Variants in MMRN1 observed in about 807,000 individuals in gnomAD.
MMRN1 encodes multimerin 1.
Under a neutral mutation model 100.7 loss-of-function variants are expected in MMRN1, and 94 were observed. That is an observed-to-expected ratio of 0.93 (90% CI 0.79 to 1.11). The LOEUF is 1.11. Ranked by LOEUF, MMRN1 falls within the 50% of genes least tolerant of loss-of-function variation. MMRN1 has a pLI of 0.00. For missense variants in MMRN1, 1,606 were observed against 1,439.1 expected (o/e 1.12, Z -1.88); for synonymous variants, 575 against 505.0 (o/e 1.14, Z -1.86).
chr4:89,891,359 G>T (rs569934997), upstream of MMRN1, among the ~76,000 whole-genome samples: 1 of 152,052 alleles, frequency 6.6e-6, no homozygotes, highest in East Asian at 1.9e-4. Flanking sequence ...TATGGTCATA[G>T]CTTCATCTAT....
At chr4:89,947,653 G>GCCT (rs1217230162) in intron 6 of MMRN1, among the ~76,000 whole-genome samples, 1 of 152,150 alleles carries the variant, frequency 6.6e-6, no homozygotes, top group African/African-American at 2.4e-5. Flanking sequence ...GAGAACTAAA[G>GCCT]TGATTTACTC....
chr4:89,919,842 A>G (rs577515856), intron 3 of MMRN1, among the ~76,000 whole-genome samples: 1 of 152,274 alleles, frequency 6.6e-6, no homozygotes, highest in East Asian at 1.9e-4. Context: ...TTATCAAATA[A>G]CTATGCATTT....
At chr4:89,922,245 C>A (rs1722112093) in intron 3 of MMRN1, among the ~76,000 whole-genome samples, 1 of 152,016 alleles carries the variant, frequency 6.6e-6, no homozygotes, top group African/African-American at 2.4e-5. Flanking sequence ...GCTGGAATTA[C>A]AGGCACCTGA....
At chr4:89,897,318 CTTGCCTCA>C (rs1721237764) in intron 1 of MMRN1, among the ~76,000 whole-genome samples, 1 of 152,000 alleles carries the variant, frequency 6.6e-6, no homozygotes, top group Non-Finnish European at 1.5e-5. Flanking sequence ...AAGCGATTCT[CTTGCCTCA>C]GCCTTCTGAG....
chr4:89,898,848 C>T (rs1022700769), intron 1 of MMRN1, among the ~76,000 whole-genome samples: 3 of 151,986 alleles, frequency 2.0e-5, no homozygotes, highest in Admixed American at 1.3e-4. Flanking sequence ...CTGTTCACTG[C>T]ACTTACGACA....
chr4:89,943,793 C>T (rs1445654147), intron 6 of MMRN1, among the ~76,000 whole-genome samples: 1 of 152,068 alleles, frequency 6.6e-6, no homozygotes, highest in African/African-American at 2.4e-5. Flanking sequence ...AGTTCGAGAC[C>T]AGCCTGGCCA....
intron 1 of MMRN1, among the ~76,000 whole-genome samples, chr4:89,897,826 A>T (rs1175989951): frequency 2.0e-5 from 3 of 152,186 alleles, no homozygotes; most frequent in South Asian, 4.1e-4. Flanking sequence ...AATATTCCCT[A>T]TAAAAAGTAA....
chr4:89,948,619 C>T (rs1723064385), intron 6 of MMRN1, among the ~76,000 whole-genome samples: 1 of 152,140 alleles, frequency 6.6e-6, no homozygotes, highest in African/African-American at 2.4e-5. Context: ...TTCATTTCAG[C>T]AGGGGTAACT....
At chr4:89,931,162 C>T (rs1337175917) in intron 5 of MMRN1, among the ~76,000 whole-genome samples, 1 of 152,086 alleles carries the variant, frequency 6.6e-6, no homozygotes, top group Non-Finnish European at 1.5e-5. Context: ...ATTTTATTTT[C>T]ATCTGGCAAC....
intron 3 of MMRN1, among the ~76,000 whole-genome samples, chr4:89,917,050 A>G (rs375564186): frequency 1.0e-3 from 152 of 151,746 alleles, no homozygotes; most frequent in African/African-American, 3.5e-3. Flanking sequence ...TGAAGTCTCA[A>G]ATAGGATCCT....
chr4:89,947,107 C>A (rs1392596476), intron 6 of MMRN1, among the ~76,000 whole-genome samples: 1 of 152,108 alleles, frequency 6.6e-6, no homozygotes, highest in Non-Finnish European at 1.5e-5. Flanking sequence ...CACGGTGAAA[C>A]CCCGTCTCTG....
chr4:89,903,554 T>C (rs1721457490), intron 1 of MMRN1, among the ~76,000 whole-genome samples: 1 of 151,858 alleles, frequency 6.6e-6, no homozygotes, highest in Admixed American at 6.6e-5. Context: ...TGAGGCCATA[T>C]TATATATATC....
rs78965721 is a variant in MMRN1, at chr4:89,941,856, A to G, written c.3118+5058A>G. 3.5e-4 allele frequency among the ~76,000 whole-genome samples: 54 copies of G among 152,276 alleles called. No homozygotes were observed. In the East Asian group the frequency reaches 0.01, roughly 28 times the overall value. Reference sequence around the variant, plus strand: ...CCTCCCCAATTTGTGTCAATAAAACATATCAGTGTTGAAGGAAATAGTAAA... The same window carrying G: ...CCTCCCCAATTTGTGTCAATAAAACGTATCAGTGTTGAAGGAAATAGTAAA... On this transcript the variant is annotated intron_variant, in intron 6 of 7. Transcript: ENST00000264790.
chr4:89,921,704 CA>C (rs1274623888), intron 3 of MMRN1, among the ~76,000 whole-genome samples: 1 of 152,012 alleles, frequency 6.6e-6, no homozygotes, highest in Non-Finnish European at 1.5e-5. Context: ...AAATGAAAAT[CA>C]AAAAGAAACA....
Position 89,953,490 on chromosome 4 carries a change from T to C in MMRN1, c.*72T>C. The C allele has an allele frequency of 1.1e-5, 15 of 1,412,890 alleles. No individual in the cohort carries two copies. Among genetic ancestry groups the C allele is most frequent in the Non-Finnish European group, 1.4e-5 (15 of 1,052,254 alleles). 87.5% of individuals were successfully genotyped at this position (1,412,890 alleles called of 1,614,324 possible). ...GTTTTCATTTATCTTTGCTTGCACATCTGCTCTGTTTTGGTTTTTCTACAG... is the reference window on the plus strand; with the variant it reads ...GTTTTCATTTATCTTTGCTTGCACACCTGCTCTGTTTTGGTTTTTCTACAG... On this transcript the variant is annotated 3_prime_UTR_variant, in exon 8 of 8. Coordinates refer to ENST00000264790, the MANE Select transcript of MMRN1 (RefSeq NM_007351.3).
At chr4:89,929,224 T>G (rs1328229964) in intron 5 of MMRN1, among the ~76,000 whole-genome samples, 1 of 152,162 alleles carries the variant, frequency 6.6e-6, no homozygotes, top group African/African-American at 2.4e-5. Context: ...CTTTATTCAT[T>G]AAAAAACTCA....
At chr4:89,951,906 A>T (rs531575449) in intron 7 of MMRN1, among the ~76,000 whole-genome samples, 155 bp downstream of exon 7, 2 of 152,174 alleles carry the variant, frequency 1.3e-5, no homozygotes, top group Non-Finnish European at 2.9e-5. Flanking sequence ...AATGTACCTG[A>T]TTTACAAGTG....
At chr4:89,951,057 T>G (rs1723156155) in intron 6 of MMRN1, among the ~76,000 whole-genome samples, 1 of 152,196 alleles carries the variant, frequency 6.6e-6, no homozygotes, top group South Asian at 2.1e-4. Flanking sequence ...TTCTGAGTTT[T>G]GTTTTCCTTT....
At chr4:89,912,834 T>C (rs1442986622) in intron 3 of MMRN1, among the ~76,000 whole-genome samples, 1 of 150,976 alleles carries the variant, frequency 6.6e-6, no homozygotes, top group Non-Finnish European at 1.5e-5. Context: ...AAAAAGAAAA[T>C]TATAATACAA....
Sources: allele counts gnomAD v4.1 joint callset (sites outside exome capture counted in the v4.1 genomes callset), GRCh38; gene constraint gnomAD v4.1.1; transcripts MANE v1.5; gene names NCBI Gene and HGNC (gene_info 2026-07-23, HGNC 2026-07-21).